The following CERS6 variants were observed in gnomAD, a reference collection of about 807,000 sequenced individuals.
CERS6 encodes the protein LAG1 homolog, ceramide synthase 6.
A neutral mutation model predicts 56.8 loss-of-function variants in CERS6; 26 were observed. That is an observed-to-expected ratio of 0.46 (90% confidence interval 0.34 to 0.63). CERS6 has a LOEUF of 0.63. Among genes scored for constraint, CERS6 ranks in the 30% least tolerant of loss-of-function variants. The probability of loss-of-function intolerance (pLI) is 0.01; values close to 1 mark genes in which losing one functional copy is unlikely to be tolerated. For synonymous variants in CERS6, 164 were observed against 173.3 expected (o/e 0.95, Z 0.42); for missense variants, 415 against 467.5 (o/e 0.89, Z 1.04).
At chr2:168,536,459 T>C (rs1574049986) in intron 1 of CERS6, among the ~76,000 whole-genome samples, 2 of 152,014 alleles carry the variant, frequency 1.3e-5, no homozygotes, top group East Asian at 4.0e-4. Context: ...TAGCTGCTTT[T>C]GTCACACACA....
intron 4 of CERS6, among the ~76,000 whole-genome samples, chr2:168,687,207 AT>A: frequency 6.6e-6 from 1 of 152,350 alleles, no homozygotes; most frequent in Middle Eastern, 3.4e-3. Context: ...ATCTTTAGCT[AT>A]TGCTTTACTA....
chr2:168,556,105 A>G (rs1407179189), intron 2 of CERS6, among the ~76,000 whole-genome samples: 1 of 152,104 alleles, frequency 6.6e-6, no homozygotes, highest in East Asian at 1.9e-4. Flanking sequence ...ACAGGAGATA[A>G]TTCTCTTAAA....
chr2:168,534,542 TCCC>T (rs1695224384), intron 1 of CERS6, among the ~76,000 whole-genome samples: 7 of 151,968 alleles, frequency 4.6e-5, no homozygotes, highest in African/African-American at 1.5e-4. Context: ...TCTGGCTCGC[TCCC>T]GCGTCGGGAG....
chr2:168,595,368 C>G (rs1683773944), intron 3 of CERS6, among the ~76,000 whole-genome samples: 1 of 152,150 alleles, frequency 6.6e-6, no homozygotes, highest in Admixed American at 6.5e-5. Context: ...TTAGCCCACA[C>G]TTCCCTTTCA....
At chr2:168,551,421 A>G (rs1346838723) in intron 2 of CERS6, among the ~76,000 whole-genome samples, 1 of 152,162 alleles carries the variant, frequency 6.6e-6, no homozygotes, top group African/African-American at 2.4e-5. Context: ...TTGGAACCTC[A>G]GCTCTGCTGC....
intron 3 of CERS6, among the ~76,000 whole-genome samples, chr2:168,577,272 A>G (rs911858379): frequency 1.3e-5 from 2 of 152,196 alleles, no homozygotes; most frequent in African/African-American, 4.8e-5. Context: ...GAGGAGGCCA[A>G]GAGAAGAAGA....
chr2:168,758,228 G>A (rs997159273), intron 8 of CERS6, among the ~76,000 whole-genome samples: 1 of 152,168 alleles, frequency 6.6e-6, no homozygotes, highest in Non-Finnish European at 1.5e-5. Flanking sequence ...ATACACTGAG[G>A]TCTGTCTGGG....
At chr2:168,474,053 G>A (rs866967349) in intron 1 of CERS6, among the ~76,000 whole-genome samples, 2 of 152,288 alleles carry the variant, frequency 1.3e-5, no homozygotes, top group Middle Eastern at 3.4e-3. Flanking sequence ...AACACAGCAA[G>A]ATCATGTCTC....
chr2:168,533,351 T>TTGGAATAGTTTGGAATAGAC lies in CERS6; in HGVS notation c.171-14225_171-14206dup, dbSNP rs1199598175. Among the ~76,000 whole-genome samples, 4 of 145,186 alleles carry TTGGAATAGTTTGGAATAGAC rather than the reference T, an allele frequency of 2.8e-5. No individual in the cohort carries two copies. In the East Asian group the frequency reaches 7.7e-4, roughly 28 times the overall value. On this transcript the variant is annotated intron_variant, in intron 1 of 9. Coordinates refer to ENST00000305747, the MANE Select transcript of CERS6 (RefSeq NM_203463.3). ...ATAGTTTGGAATAGATTGGAATAGT[T>TTGGAATAGTTTGGAATAGAC]TGGAATAGTTTGGAATAGACTGGAA...
chr2:168,743,508 G>A (rs1683990170), intron 8 of CERS6, among the ~76,000 whole-genome samples: 1 of 151,866 alleles, frequency 6.6e-6, no homozygotes, highest in African/African-American at 2.4e-5. Context: ...TGTGGCACAT[G>A]CCTGTAGTCC....
At chr2:168,536,046 A>G (rs1256979799) in intron 1 of CERS6, among the ~76,000 whole-genome samples, 5 of 152,222 alleles carry the variant, frequency 3.3e-5, no homozygotes, top group East Asian at 1.9e-4. Context: ...GGAAATTTTC[A>G]TCTTCAAAAC....
intron 1 of CERS6, among the ~76,000 whole-genome samples, chr2:168,495,785 C>T (rs527766361): frequency 9.9e-5 from 15 of 152,172 alleles, no homozygotes; most frequent in Non-Finnish European, 1.9e-4. Context: ...TCTCATTCTC[C>T]TTTCAGGGGG....
At chr2:168,644,037 G>A in intron 4 of CERS6, 1 of 950,818 alleles carries the variant, frequency 1.1e-6, no homozygotes, top group Non-Finnish European at 1.3e-6. Context: ...GTTAAGAACT[G>A]ATATAGCATA....
chr2:168,638,666 CTT>C (rs1277836796), intron 4 of CERS6, among the ~76,000 whole-genome samples: 1 of 152,006 alleles, frequency 6.6e-6, no homozygotes, highest in Non-Finnish European at 1.5e-5. Flanking sequence ...TTGCTTATAG[CTT>C]CTTGTTTAGT....
chr2:168,623,487 G>A (rs1023871021), intron 3 of CERS6, among the ~76,000 whole-genome samples: 8 of 150,744 alleles, frequency 5.3e-5, no homozygotes, highest in Non-Finnish European at 1.0e-4. Flanking sequence ...AAAATGCCGT[G>A]TTACAATCTT....
At chr2:168,648,426 A>G (rs556779161) in intron 4 of CERS6, among the ~76,000 whole-genome samples, 1 of 152,104 alleles carries the variant, frequency 6.6e-6, no homozygotes, top group South Asian at 2.1e-4. Context: ...TTCTTTATGA[A>G]TCTAGCTAGT....
At position 168,561,239 on chromosome 2, in the gene CERS6, G is replaced by A; in HGVS notation, c.324G>A (p.Trp108Ter). 1 of 1,614,084 alleles carries A rather than the reference G, an allele frequency of 6.2e-7. No individual in the cohort carries two copies. The highest frequency in any genetic ancestry group is 8.5e-7 in the Non-Finnish European group (1 of 1,179,944). The change falls in exon 3 of 10, where the codon TGG (tryptophan) becomes TGA (stop). Residue 108 changes from tryptophan to a stop codon, truncating the protein, a stop_gained. Coordinates refer to ENST00000305747, the MANE Select transcript of CERS6 (RefSeq NM_203463.3). LOFTEE classifies it high-confidence loss of function. ...AAGGCCTCTCCAAGCAACTGGACTGGGATGTTCGAAGCATTCAGCGCTGGT... is the reference window on the plus strand; with the variant it reads ...AAGGCCTCTCCAAGCAACTGGACTGAGATGTTCGAAGCATTCAGCGCTGGT... ...RLEGLSKQLD[W>*]DVRSIQRWFR...
At chr2:168,696,129 A>G (rs1686641259) in intron 6 of CERS6, among the ~76,000 whole-genome samples, 1 of 152,188 alleles carries the variant, frequency 6.6e-6, no homozygotes, top group African/African-American at 2.4e-5. Context: ...TTTGTACATT[A>G]TATCATTTAG....
intron 1 of CERS6, among the ~76,000 whole-genome samples, chr2:168,473,305 T>A (rs1694010593): frequency 6.6e-6 from 1 of 152,186 alleles, no homozygotes; most frequent in Non-Finnish European, 1.5e-5. Context: ...CTTAAAAAAA[T>A]TTACCCTTTT....
Sources: allele counts gnomAD v4.1 joint callset (sites outside exome capture counted in the v4.1 genomes callset), GRCh38; gene constraint gnomAD v4.1.1; transcripts MANE v1.5; gene names NCBI Gene and HGNC (gene_info 2026-07-23, HGNC 2026-07-21).